GPSM2: variants seen among roughly 807,000 people sequenced by gnomAD.
GPSM2 encodes G protein signaling modulator 2, also known as G protein-signaling modulator 2.
GPSM2 carries 58 observed loss-of-function variants against 78.4 expected under a neutral mutation model. The observed-to-expected ratio is 0.74, with a 90% CI of 0.60 to 0.92. The LOEUF (loss-of-function observed/expected upper bound fraction) is 0.92. GPSM2 is among the 40% of genes least tolerant of loss of function. The pLI, the probability that GPSM2 is intolerant of heterozygous loss-of-function variation, is 0.00. For synonymous variants in GPSM2, 224 were observed against 280.2 expected, an observed-to-expected ratio of 0.80 and a Z score of 2.00; for missense variants, 700 against 815.5, an observed-to-expected ratio of 0.86 and a Z score of 1.73.
At chr1:108,913,687 A>G (rs773871299) in intron 10 of GPSM2, among the ~76,000 whole-genome samples, 25 of 152,192 alleles carry the variant, frequency 1.6e-4, no homozygotes, top group Non-Finnish European at 2.9e-4. Flanking sequence ...ATACAAGGGG[A>G]GTTTAATGTG....
rs117484135 is a variant in GPSM2, at chr1:108,930,983, T to C, written c.*1043T>C. 0.052 allele frequency: 8,635 copies of C among 165,166 alleles called. 264 individuals are homozygous for C. Among genetic ancestry groups the C allele is most frequent in the Middle Eastern group, 0.13 (42 of 318 alleles). 10.2% of individuals were successfully genotyped at this position (165,166 alleles called of 1,614,324 possible). A position where few individuals can be genotyped will look rare whatever the true frequency, so the allele number is the denominator to read the frequency against. Reference sequence around the variant, plus strand: ...AGGAGGACCACTTGAGCCCAGGAGGTGGAGGCTGCACTGAGCTATGATCGT... The same window carrying C: ...AGGAGGACCACTTGAGCCCAGGAGGCGGAGGCTGCACTGAGCTATGATCGT... On this transcript the variant is annotated 3_prime_UTR_variant, in exon 15 of 15. Transcript: ENST00000264126.
chr1:108,902,329 TGA>T (rs1648888408), intron 8 of GPSM2, among the ~76,000 whole-genome samples: 1 of 148,854 alleles, frequency 6.7e-6, no homozygotes, highest in African/African-American at 2.5e-5. Flanking sequence ...TGCAGTGAGC[TGA>T]GATCACGCCA....
intron 11 of GPSM2, among the ~76,000 whole-genome samples, chr1:108,915,441 T>A (rs1381449822): frequency 1.3e-5 from 2 of 151,690 alleles, no homozygotes; most frequent in Non-Finnish European, 2.9e-5. Flanking sequence ...TTTTTTGTTT[T>A]TTTTGAGACG....
chr1:108,910,136 AAG>A (rs1176730570), intron 10 of GPSM2, among the ~76,000 whole-genome samples: 2 of 152,178 alleles, frequency 1.3e-5, no homozygotes, highest in Non-Finnish European at 2.9e-5. Flanking sequence ...AGAGATTAAA[AAG>A]AGATTCTGAA....
At chr1:108,913,537 T>C (rs952160228) in intron 10 of GPSM2, among the ~76,000 whole-genome samples, 2 of 152,208 alleles carry the variant, frequency 1.3e-5, no homozygotes, top group African/African-American at 2.4e-5. Context: ...CATTTATAAA[T>C]GTTTCAAAAC....
intron 2 of GPSM2, among the ~76,000 whole-genome samples, chr1:108,889,682 T>C (rs1647829254): frequency 6.6e-6 from 1 of 152,210 alleles, no homozygotes; most frequent in African/African-American, 2.4e-5. Flanking sequence ...ATAGCTATAA[T>C]TGAGATCCTC....
Position 108,924,038 on chromosome 1 carries a change from T to G in GPSM2, c.1639T>G (p.Phe547Val). Residue 547 changes from phenylalanine to valine, a missense_variant, in exon 14 of 15, where the codon TTT becomes GTT. Coordinates refer to ENST00000264126, the MANE Select transcript of GPSM2 (RefSeq NM_013296.5). The stretch of plus-strand genomic sequence containing the variant: ...TGTGGTATCCCCCAACACGGATGAG[T>G]TTTTAGATCTTCTTGCCAGCTCACA... ...VPVVSPNTDE[F>V]LDLLASSQSR... is the part of the protein sequence containing the mutation. 6.2e-7 allele frequency: 1 copy of G among 1,612,882 alleles called. No individual in the cohort carries two copies. Among genetic ancestry groups the G allele is most frequent in the Non-Finnish European group, 8.5e-7 (1 of 1,178,996 alleles).
At chr1:108,906,536 T>C (rs1570918733) in intron 10 of GPSM2, among the ~76,000 whole-genome samples, 1 of 151,230 alleles carries the variant, frequency 6.6e-6, no homozygotes, top group Admixed American at 6.6e-5. Flanking sequence ...CACTTACTTT[T>C]CCACACAGGA....
chr1:108,883,535 G>A (rs2101315661), intron 1 of GPSM2, among the ~76,000 whole-genome samples: 1 of 152,274 alleles, frequency 6.6e-6, no homozygotes, highest in East Asian at 1.9e-4. Context: ...TGGACTAACT[G>A]ACCTCTAGGA....
chr1:108,931,391 G>A lies in GPSM2; in HGVS notation c.*1451G>A. 1 of 1,551,096 alleles carries A rather than the reference G, an allele frequency of 6.4e-7. No individual in the cohort carries two copies. Among genetic ancestry groups the A allele is most frequent in the Non-Finnish European group, 8.7e-7 (1 of 1,147,118 alleles). On this transcript the variant is annotated 3_prime_UTR_variant, in exon 15 of 15. Transcript: ENST00000264126. ...CAAAAGACAAGTATGGGACAGACTGGGACCTGGAGTAACACTGGATCACAG... is the reference window on the plus strand; with the variant it reads ...CAAAAGACAAGTATGGGACAGACTGAGACCTGGAGTAACACTGGATCACAG...
chr1:108,931,515 T>C lies in GPSM2; in HGVS notation c.*1575T>C, dbSNP rs1281047551. On this transcript the variant is annotated 3_prime_UTR_variant, in exon 15 of 15. Coordinates refer to ENST00000264126, the MANE Select transcript of GPSM2 (RefSeq NM_013296.5). ...GATGGGATCTGGGGATGTGGACCCCTATTCTTTCAAAAAGTCATTCAGGTG... is the reference window on the plus strand; with the variant it reads ...GATGGGATCTGGGGATGTGGACCCCCATTCTTTCAAAAAGTCATTCAGGTG... 10 of 1,535,620 alleles carry C rather than the reference T, an allele frequency of 6.5e-6. No homozygotes were observed. Among genetic ancestry groups the C allele is most frequent in the Non-Finnish European group, 8.8e-6 (10 of 1,139,266 alleles).
intron 2 of GPSM2, among the ~76,000 whole-genome samples, chr1:108,889,604 A>G (rs1298740025): frequency 1.3e-5 from 2 of 152,192 alleles, no homozygotes; most frequent in African/African-American, 2.4e-5. Context: ...AATAAATACT[A>G]TTTATTCCTA....
chr1:108,877,906 CTG>C (rs1408604724), intron 1 of GPSM2: 2 of 152,188 alleles, frequency 1.3e-5, no homozygotes, highest in Non-Finnish European at 2.9e-5. Flanking sequence ...CATTTGAACT[CTG>C]TTAAAGAAAA....
chr1:108,881,604 T>C (rs1191094755), intron 1 of GPSM2, among the ~76,000 whole-genome samples: 1 of 152,096 alleles, frequency 6.6e-6, no homozygotes, highest in Non-Finnish European at 1.5e-5. Context: ...TCAGTGAATA[T>C]TTTTTTGTGT....
At chr1:108,915,830 C>A (rs1334743547) in intron 11 of GPSM2, among the ~76,000 whole-genome samples, 1 of 152,124 alleles carries the variant, frequency 6.6e-6, no homozygotes, top group African/African-American at 2.4e-5. Flanking sequence ...ACACAGAAAT[C>A]AAGATAATCA....
chr1:108,893,226 T>C (rs72984614), intron 2 of GPSM2, among the ~76,000 whole-genome samples: 13,980 of 152,252 alleles, frequency 0.092, 691 homozygotes, highest in Non-Finnish European at 0.1. Flanking sequence ...ACTTCTCAGT[T>C]TTATATGAAT....
intron 2 of GPSM2, among the ~76,000 whole-genome samples, chr1:108,887,987 GATAAA>G (rs1395485720): frequency 6.6e-6 from 1 of 152,146 alleles, no homozygotes; most frequent in African/African-American, 2.4e-5. Context: ...TGCACTAAAC[GATAAA>G]ATAAATGCAA....
chr1:108,918,919 C>G, intron 12 of GPSM2, 130 bp downstream of exon 12: 1 of 668,980 alleles, frequency 1.5e-6, no homozygotes, highest in Non-Finnish European at 2.6e-6. Flanking sequence ...TCATATTTCC[C>G]TATCTTTTCT....
At chr1:108,917,611 C>CATATATATATATATATATATATATAT (rs55909258) in intron 11 of GPSM2, among the ~76,000 whole-genome samples, 1 of 22,716 alleles carries the variant, frequency 4.4e-5, no homozygotes, top group African/African-American at 1.8e-4. Context: ...CACACACACA[C>CATATATATATATATATATATATATAT]ATATATATAT....
Sources: allele counts gnomAD v4.1 joint callset (sites outside exome capture counted in the v4.1 genomes callset), GRCh38; gene constraint gnomAD v4.1.1; transcripts MANE v1.5; gene names NCBI Gene and HGNC (gene_info 2026-07-23, HGNC 2026-07-21).